RBFOX1: variants seen among roughly 807,000 people sequenced by gnomAD.
RBFOX1 encodes the protein RNA binding protein fox-1 homolog 1.
A neutral mutation model predicts 57.7 loss-of-function variants in RBFOX1; 8 were observed. The ratio of observed to expected loss-of-function variants is 0.14; its 90% CI spans 0.08 to 0.25. The LOEUF is 0.25. Among genes scored for constraint, RBFOX1 ranks in the 10% least tolerant of loss-of-function variants. The pLI, the probability that RBFOX1 is intolerant of heterozygous loss-of-function variation, is 1.00. For missense variants in RBFOX1, 611 were observed against 548.5 expected, an observed-to-expected ratio of 1.11 and a Z score of -1.14; for synonymous variants, 326 against 222.4, an observed-to-expected ratio of 1.47 and a Z score of -4.15.
intron 2 of RBFOX1, among the ~76,000 whole-genome samples, chr16:5,570,666 C>G (rs1451895959): frequency 6.6e-6 from 1 of 152,002 alleles, no homozygotes; most frequent in Non-Finnish European, 1.5e-5. Context: ...ATGATGAAAC[C>G]TCGTCTCTAC....
At chr16:7,335,208 C>G (rs567098646) in intron 4 of RBFOX1, among the ~76,000 whole-genome samples, 40 of 152,322 alleles carry the variant, frequency 2.6e-4, no homozygotes, top group African/African-American at 9.6e-4. Context: ...TGCCAGCTGT[C>G]CTGCATTGCT....
chr16:7,051,604 C>A (rs1174330144), intron 3 of RBFOX1, among the ~76,000 whole-genome samples: 1 of 152,224 alleles, frequency 6.6e-6, no homozygotes, highest in Non-Finnish European at 1.5e-5. Flanking sequence ...GTTGCCAAGG[C>A]ATGACAACTG....
chr16:6,750,761 C>T (rs770202510), intron 3 of RBFOX1, among the ~76,000 whole-genome samples: 13 of 152,126 alleles, frequency 8.5e-5, no homozygotes, highest in Non-Finnish European at 1.9e-4. Context: ...AGACCCTTGC[C>T]TTTGTGGACT....
chr16:6,773,018 GATTGTATT>G (rs2078631426), intron 3 of RBFOX1, among the ~76,000 whole-genome samples: 1 of 137,812 alleles, frequency 7.3e-6, no homozygotes, highest in Non-Finnish European at 1.6e-5. Flanking sequence ...GTGTGTGTGT[GATTGTATT>G]TGTGGGCATG....
intron 1 of RBFOX1, among the ~76,000 whole-genome samples, chr16:5,314,389 A>G (rs4786666): frequency 0.57 from 87,121 of 152,260 alleles, 27,354 homozygotes; most frequent in South Asian, 0.74. Flanking sequence ...GCTGCTGTGA[A>G]CAGCCTCTGT....
intron 3 of RBFOX1, among the ~76,000 whole-genome samples, chr16:7,011,060 G>C (rs2093630971): frequency 6.9e-6 from 1 of 144,960 alleles, no homozygotes; most frequent in Non-Finnish European, 1.5e-5. Context: ...TTAATTGAAA[G>C]CAAATTCATT....
chr16:7,403,949 G>A (rs1035404875), intron 4 of RBFOX1, among the ~76,000 whole-genome samples: 1 of 149,932 alleles, frequency 6.7e-6, no homozygotes, highest in Non-Finnish European at 1.5e-5. Context: ...TCATTCATTT[G>A]TTAATGGGTG....
chr16:6,909,320 C>G (rs995081102), intron 3 of RBFOX1, among the ~76,000 whole-genome samples: 5 of 152,208 alleles, frequency 3.3e-5, no homozygotes, highest in African/African-American at 1.2e-4. Context: ...ACCTCCTTCT[C>G]TGGTCTTCCT....
At chr16:6,584,142 C>G (rs994503089) in intron 2 of RBFOX1, among the ~76,000 whole-genome samples, 5 of 151,666 alleles carry the variant, frequency 3.3e-5, no homozygotes, top group African/African-American at 7.3e-5. Flanking sequence ...TTCTGTGTTC[C>G]TATTGTGTGG....
chr16:6,972,288 C>G (rs2085750291), intron 3 of RBFOX1, among the ~76,000 whole-genome samples: 2 of 152,038 alleles, frequency 1.3e-5, no homozygotes, highest in African/African-American at 2.4e-5. Context: ...TGTCATTCTA[C>G]TTTTTGTCTC....
chr16:5,756,043 A>G (rs1188391950), intron 3 of RBFOX1, among the ~76,000 whole-genome samples: 1 of 152,066 alleles, frequency 6.6e-6, no homozygotes, highest in Non-Finnish European at 1.5e-5. Flanking sequence ...GAAAGCCATG[A>G]GAAATTCTTA....
At chr16:7,090,163 G>A (rs1312853597) in intron 4 of RBFOX1, among the ~76,000 whole-genome samples, 2 of 152,176 alleles carry the variant, frequency 1.3e-5, no homozygotes, top group Non-Finnish European at 2.9e-5. Context: ...CTACATTGAT[G>A]TGTGAAAATA....
chr16:7,561,813 G>A (rs2090435226), intron 5 of RBFOX1, among the ~76,000 whole-genome samples: 1 of 152,184 alleles, frequency 6.6e-6, no homozygotes, highest in African/African-American at 2.4e-5. Flanking sequence ...GTTTTCTTAG[G>A]TCTGGGAAAT....
intron 3 of RBFOX1, among the ~76,000 whole-genome samples, chr16:7,023,457 C>G (rs1448562240): frequency 7.1e-6 from 1 of 141,770 alleles, no homozygotes. Context: ...GAGACTCCAT[C>G]TCAAAAAAAA....
At chr16:6,911,760 G>C (rs1461377752) in intron 3 of RBFOX1, among the ~76,000 whole-genome samples, 1 of 152,054 alleles carries the variant, frequency 6.6e-6, no homozygotes, top group Non-Finnish European at 1.5e-5. Context: ...CATACCTACA[G>C]CAAATAATTT....
At chr16:7,461,292 C>T (rs1368655569) in intron 4 of RBFOX1, among the ~76,000 whole-genome samples, 1 of 152,098 alleles carries the variant, frequency 6.6e-6, no homozygotes, top group South Asian at 2.1e-4. Flanking sequence ...CTCAGCCTCC[C>T]AAGTAGCTGG....
At chr16:7,183,856 G>C (rs2083209900) in intron 4 of RBFOX1, among the ~76,000 whole-genome samples, 1 of 152,174 alleles carries the variant, frequency 6.6e-6, no homozygotes, top group Admixed American at 6.5e-5. Flanking sequence ...TTCGTATCAG[G>C]TCTCTGCCCT....
intron 3 of RBFOX1, among the ~76,000 whole-genome samples, chr16:5,836,012 C>T (rs535304369): frequency 2.0e-5 from 3 of 152,186 alleles, no homozygotes; most frequent in Non-Finnish European, 4.4e-5. Context: ...GGCTCTGGGC[C>T]TGGAGTTGAG....
chr16:6,326,054 A>G (rs911864375), intron 2 of RBFOX1, among the ~76,000 whole-genome samples: 1 of 152,182 alleles, frequency 6.6e-6, no homozygotes, highest in African/African-American at 2.4e-5. Flanking sequence ...ATGCATTGGC[A>G]GAAAATCGGT....
Sources: allele counts gnomAD v4.1 joint callset (sites outside exome capture counted in the v4.1 genomes callset), GRCh38; gene constraint gnomAD v4.1.1; transcripts MANE v1.5; gene names NCBI Gene and HGNC (gene_info 2026-07-23, HGNC 2026-07-21).